The following SUGCT variants were observed in gnomAD, a reference collection of about 807,000 sequenced individuals.
SUGCT encodes succinyl-CoA:glutarate-CoA transferase.
In SUGCT, 41 loss-of-function variants were observed where a neutral mutation model predicts 55.0. That is an observed-to-expected ratio of 0.74 (90% confidence interval 0.58 to 0.97). The LOEUF is 0.97. Ranked by LOEUF, SUGCT falls within the 50% of genes least tolerant of loss-of-function variation. The pLI is 0.00. For synonymous variants in SUGCT, 187 were observed against 200.4 expected (o/e 0.93, Z 0.56); for missense variants, 568 against 547.8 (o/e 1.04, Z -0.37).
chr7:40,271,701 GCTAA>G (rs1419550732), intron 7 of SUGCT, among the ~76,000 whole-genome samples: 2 of 151,944 alleles, frequency 1.3e-5, no homozygotes, highest in Admixed American at 6.6e-5. Flanking sequence ...ATTATTCCCT[GCTAA>G]CTATTTTGAA....
At chr7:40,422,321 T>C (rs1787351836) in intron 9 of SUGCT, among the ~76,000 whole-genome samples, 1 of 152,152 alleles carries the variant, frequency 6.6e-6, no homozygotes, top group Admixed American at 6.6e-5. Context: ...GTTGTTGGTA[T>C]TGGGGCAATC....
intron 8 of SUGCT, among the ~76,000 whole-genome samples, chr7:40,275,775 T>G (rs1236322706): frequency 6.6e-6 from 1 of 152,172 alleles, no homozygotes; most frequent in Admixed American, 6.5e-5. Context: ...TAGTTATCAG[T>G]TATGTTGTGC....
intron 12 of SUGCT, among the ~76,000 whole-genome samples, chr7:40,616,019 C>A (rs965430373): frequency 6.6e-6 from 1 of 152,082 alleles, no homozygotes; most frequent in African/African-American, 2.4e-5. Context: ...CCTCAGAGGT[C>A]TCTATATTTT....
At chr7:40,546,783 C>G (rs1486579014) in intron 12 of SUGCT, 1 of 152,188 alleles carries the variant, frequency 6.6e-6, no homozygotes, top group African/African-American at 2.4e-5. Flanking sequence ...ACAATCTGCC[C>G]TTTTTCACGG....
chr7:40,811,192 G>A (rs964016821), intron 13 of SUGCT, among the ~76,000 whole-genome samples: 6 of 152,246 alleles, frequency 3.9e-5, no homozygotes, highest in African/African-American at 9.6e-5. Flanking sequence ...TTGAAGTCAC[G>A]TAATGTGATG....
chr7:40,385,253 G>T (rs898756951), intron 9 of SUGCT, among the ~76,000 whole-genome samples: 2 of 152,132 alleles, frequency 1.3e-5, no homozygotes, highest in Non-Finnish European at 2.9e-5. Flanking sequence ...CATGGGCTTT[G>T]GAGTTCATGG....
At chr7:40,445,036 G>T (rs1475460253) in intron 9 of SUGCT, among the ~76,000 whole-genome samples, 2 of 152,038 alleles carry the variant, frequency 1.3e-5, no homozygotes, top group African/African-American at 2.4e-5. Context: ...TTATTGATTT[G>T]CATATGTTGA....
chr7:40,881,145 G>A, the SUGCT span, among the ~76,000 whole-genome samples: 1 of 152,014 alleles, frequency 6.6e-6, no homozygotes, highest in Admixed American at 6.6e-5. Context: ...GTTTTCGTGG[G>A]TAACATGTTC....
At chr7:40,411,351 C>A (rs1262849252) in intron 9 of SUGCT, among the ~76,000 whole-genome samples, 1 of 152,164 alleles carries the variant, frequency 6.6e-6, no homozygotes, top group East Asian at 1.9e-4. Context: ...CGAGATCGTG[C>A]CACTGTGCTC....
At chr7:40,848,735 C>A (rs1353322442) in intron 13 of SUGCT, among the ~76,000 whole-genome samples, 1 of 152,198 alleles carries the variant, frequency 6.6e-6, no homozygotes, top group East Asian at 1.9e-4. Context: ...CCTTGAGTTT[C>A]TGGGACGCCT....
At chr7:40,439,284 C>T (rs576639165) in intron 9 of SUGCT, among the ~76,000 whole-genome samples, 2 of 151,442 alleles carry the variant, frequency 1.3e-5, no homozygotes, top group Admixed American at 1.3e-4. Context: ...CTTACTTATT[C>T]AGCTACTCCC....
At chr7:40,697,092 C>T (rs958746920) in intron 12 of SUGCT, among the ~76,000 whole-genome samples, 2 of 152,182 alleles carry the variant, frequency 1.3e-5, no homozygotes, top group African/African-American at 4.8e-5. Flanking sequence ...ACACGTAACA[C>T]ACACACACAG....
intron 11 of SUGCT, among the ~76,000 whole-genome samples, chr7:40,475,915 C>G (rs1790643216): frequency 6.6e-6 from 1 of 152,098 alleles, no homozygotes; most frequent in South Asian, 2.1e-4. Context: ...TTGATTGTTT[C>G]ATTCATCCAT....
intron 7 of SUGCT, among the ~76,000 whole-genome samples, chr7:40,271,106 C>CT (rs1399615656): frequency 2.0e-5 from 3 of 152,024 alleles, no homozygotes; most frequent in African/African-American, 7.2e-5. Flanking sequence ...TTCCTTAGGA[C>CT]TTTTGATATA....
chr7:40,250,446 T>A (rs1790292791), intron 7 of SUGCT, among the ~76,000 whole-genome samples: 1 of 151,778 alleles, frequency 6.6e-6, no homozygotes, highest in African/African-American at 2.4e-5. Flanking sequence ...ATATTTATTA[T>A]AAAACTGAAA....
chr7:40,876,716 G>A, the SUGCT span, among the ~76,000 whole-genome samples: 3 of 152,162 alleles, frequency 2.0e-5, no homozygotes, highest in Non-Finnish European at 4.4e-5. Flanking sequence ...GCCCATGGGA[G>A]GTGGGGTCGG....
intron 9 of SUGCT, among the ~76,000 whole-genome samples, chr7:40,416,931 A>G (rs1787034449): frequency 6.6e-6 from 1 of 151,978 alleles, no homozygotes; most frequent in South Asian, 2.1e-4. Context: ...GATAATCTAC[A>G]TTATTAGTGG....
intron 12 of SUGCT, among the ~76,000 whole-genome samples, chr7:40,705,499 T>G (rs997838648): frequency 6.8e-6 from 1 of 146,444 alleles, no homozygotes; most frequent in African/African-American, 2.6e-5. Flanking sequence ...TCCAATTTTC[T>G]CAGCACCATT....
intron 6 of SUGCT, chr7:40,217,498 C>A: frequency 2.4e-6 from 1 of 424,464 alleles, no homozygotes; most frequent in South Asian, 1.7e-5. Context: ...AGGAATGAGC[C>A]ACCGCGCCTG....
Sources: allele counts gnomAD v4.1 joint callset (sites outside exome capture counted in the v4.1 genomes callset), GRCh38; gene constraint gnomAD v4.1.1; transcripts MANE v1.5; gene names NCBI Gene and HGNC (gene_info 2026-07-23, HGNC 2026-07-21).